CACNB4: variants seen among roughly 807,000 people sequenced by gnomAD.
The protein encoded by CACNB4 is calcium voltage-gated channel auxiliary subunit beta 4, also known as voltage-dependent L-type calcium channel subunit beta-4.
Under a neutral mutation model 71.2 loss-of-function variants are expected in CACNB4, and 32 were observed. The observed-to-expected ratio is 0.45, with a 90% CI of 0.34 to 0.60. CACNB4 has a LOEUF of 0.60. CACNB4 is among the 20% of genes least tolerant of loss of function. CACNB4 has a pLI of 0.01. For synonymous variants in CACNB4, 231 were observed against 236.9 expected (o/e 0.97, Z 0.23); for missense variants, 464 against 647.9 (o/e 0.72, Z 3.08).
At chr2:152,025,091 C>T (rs1683889902) in intron 2 of CACNB4, among the ~76,000 whole-genome samples, 1 of 152,046 alleles carries the variant, frequency 6.6e-6, no homozygotes, top group East Asian at 1.9e-4. Flanking sequence ...TTTGCAAAAC[C>T]AGAAATCTGA....
chr2:151,879,018 A>T lies in CACNB4; in HGVS notation c.390+1782T>A, dbSNP rs537450873. Among the ~76,000 whole-genome samples, 4 of 152,350 alleles carry T rather than the reference A, an allele frequency of 2.6e-5. No homozygotes were observed. In the South Asian group the frequency reaches 8.3e-4, roughly 32 times the overall value. On this transcript the variant is annotated intron_variant, in intron 4 of 13. Transcript: ENST00000539935. ...TTTCCCCACTTTCCTGTCTTTTAGT[A>T]TAACAGGCCTAAAATAATAGGTCTG... is the stretch of plus-strand genomic sequence containing the variant.
At chr2:152,051,735 A>T (rs1175220768) in intron 2 of CACNB4, among the ~76,000 whole-genome samples, 1 of 152,170 alleles carries the variant, frequency 6.6e-6, no homozygotes, top group East Asian at 1.9e-4. Flanking sequence ...TGTTTAAGCC[A>T]CCCATCTATG....
intron 2 of CACNB4, among the ~76,000 whole-genome samples, chr2:152,072,448 ATACT>A (rs1256249879): frequency 2.0e-5 from 3 of 152,372 alleles, no homozygotes; most frequent in African/African-American, 2.4e-5. Context: ...AAGATCTGTA[ATACT>A]TACTTTTCCT....
chr2:151,922,506 A>T (rs1230203662), intron 2 of CACNB4, among the ~76,000 whole-genome samples: 4 of 152,204 alleles, frequency 2.6e-5, no homozygotes, highest in African/African-American at 9.7e-5. Context: ...CCCAGTTAAT[A>T]AGCAACTTTA....
intron 2 of CACNB4, among the ~76,000 whole-genome samples, chr2:152,078,225 T>C (rs1486470446): frequency 2.6e-5 from 4 of 152,194 alleles, no homozygotes; most frequent in African/African-American, 9.7e-5. Context: ...TCTGCATCCA[T>C]GATTTTCATA....
chr2:151,992,813 CTGAG>C (rs1328088766), intron 2 of CACNB4, among the ~76,000 whole-genome samples: 1 of 152,234 alleles, frequency 6.6e-6, no homozygotes, highest in Non-Finnish European at 1.5e-5. Flanking sequence ...CCAATGTAAG[CTGAG>C]TATTTCACAT....
chr2:152,012,256 G>A (rs948390230), intron 2 of CACNB4, among the ~76,000 whole-genome samples: 3 of 152,156 alleles, frequency 2.0e-5, no homozygotes, highest in Admixed American at 6.5e-5. Flanking sequence ...GGAAGACAGC[G>A]AGACTGATGA....
At chr2:151,861,118 G>A (rs2099841531) in intron 9 of CACNB4, 3 of 324,914 alleles carry the variant, frequency 9.2e-6, no homozygotes, top group Non-Finnish European at 1.7e-5. Context: ...ACACCAGGAA[G>A]GAATCAAGAC....
intron 2 of CACNB4, among the ~76,000 whole-genome samples, chr2:151,977,733 A>T (rs961876077): frequency 5.3e-5 from 8 of 152,220 alleles, no homozygotes; most frequent in African/African-American, 1.9e-4. Flanking sequence ...TTTCTCGGGA[A>T]TTTAACTTTT....
intron 2 of CACNB4, among the ~76,000 whole-genome samples, chr2:152,001,526 TAAAAAAAAA>T (rs70974816): frequency 2.0e-4 from 7 of 35,488 alleles, no homozygotes; most frequent in South Asian, 2.3e-3. Context: ...CCATCTCTAC[TAAAAAAAAA>T]AAAAAAAAAA....
intron 2 of CACNB4, among the ~76,000 whole-genome samples, chr2:152,049,784 A>C (rs1333011774): frequency 6.6e-6 from 1 of 152,274 alleles, no homozygotes; most frequent in Non-Finnish European, 1.5e-5. Flanking sequence ...CCCAGGCGAC[A>C]AGCTAACTTC....
At chr2:151,880,188 C>T (rs2099847478) in intron 4 of CACNB4, 1 of 152,722 alleles carries the variant, frequency 6.5e-6, no homozygotes, top group Non-Finnish European at 1.5e-5. Flanking sequence ...CTTTTCCCTG[C>T]ATGTCACAAT....
chr2:152,081,887 A>G (rs952609338), intron 2 of CACNB4, among the ~76,000 whole-genome samples: 2 of 152,266 alleles, frequency 1.3e-5, no homozygotes, highest in African/African-American at 4.8e-5. Flanking sequence ...ACACGGAGTA[A>G]GCAGGAAAGT....
chr2:151,875,165 G>T (rs1329858240), intron 5 of CACNB4, among the ~76,000 whole-genome samples: 1 of 149,266 alleles, frequency 6.7e-6, no homozygotes, highest in Admixed American at 6.7e-5. Flanking sequence ...TGTGTCCCTG[G>T]GTACTTGAGA....
At chr2:151,944,271 C>G (rs2099865019) in intron 2 of CACNB4, among the ~76,000 whole-genome samples, 1 of 152,030 alleles carries the variant, frequency 6.6e-6, no homozygotes, top group South Asian at 2.1e-4. Flanking sequence ...AATTCCTGGC[C>G]TCAAGTGATC....
intron 2 of CACNB4, among the ~76,000 whole-genome samples, chr2:151,964,590 C>T (rs952678501): frequency 9.2e-5 from 14 of 152,090 alleles, no homozygotes; most frequent in African/African-American, 3.4e-4. Flanking sequence ...GAAAAAGCTG[C>T]CAATATAACT....
chr2:151,929,648 C>T (rs1401567788), intron 2 of CACNB4, among the ~76,000 whole-genome samples: 1 of 152,044 alleles, frequency 6.6e-6, no homozygotes, highest in South Asian at 2.1e-4. Context: ...CCTGGGAATT[C>T]CAAGAGCATC....
chr2:151,972,069 CAAAAAAAAAAA>C (rs56104858), intron 2 of CACNB4: 1 of 110,770 alleles, frequency 9.0e-6, no homozygotes, highest in Non-Finnish European at 1.8e-5. Flanking sequence ...GACCCAAAGG[CAAAAAAAAAAA>C]AAAAAAAAAA....
chr2:152,041,117 C>T (rs953904027), intron 2 of CACNB4, among the ~76,000 whole-genome samples: 8 of 152,318 alleles, frequency 5.3e-5, no homozygotes, highest in African/African-American at 1.4e-4. Context: ...TCGGATAAAG[C>T]TCTTCCTCCT....
Sources: gnomAD v4.1 joint callset for allele counts (sites outside exome capture counted in the v4.1 genomes callset) on GRCh38, gnomAD v4.1.1 for gene constraint, MANE v1.5 for transcripts, NCBI Gene and HGNC (gene_info 2026-07-23, HGNC 2026-07-21) for gene names.